Variants in MACROD2 observed in about 807,000 individuals in gnomAD.
MACROD2 encodes ADP-ribose glycohydrolase MACROD2.
MACROD2 carries 36 observed loss-of-function variants against 70.4 expected under a neutral mutation model. That is an observed-to-expected ratio of 0.51 (90% CI 0.39 to 0.68). MACROD2 has a LOEUF of 0.68. MACROD2 is among the 30% of genes least tolerant of loss of function. The pLI, the probability that MACROD2 is intolerant of heterozygous loss-of-function variation, is 0.00. For synonymous variants in MACROD2, 172 were observed against 178.8 expected, an observed-to-expected ratio of 0.96 and a Z score of 0.30; for missense variants, 496 against 538.4, an observed-to-expected ratio of 0.92 and a Z score of 0.78.
intron 3 of MACROD2, among the ~76,000 whole-genome samples, chr20:14,172,702 G>A (rs2081232591): frequency 6.6e-6 from 1 of 152,040 alleles, no homozygotes; most frequent in African/African-American, 2.4e-5. Context: ...GCGATTTTTT[G>A]CCTGAATACC....
intron 5 of MACROD2, among the ~76,000 whole-genome samples, chr20:14,990,254 A>G (rs756630337): frequency 2.0e-5 from 3 of 152,120 alleles, no homozygotes; most frequent in Non-Finnish European, 4.4e-5. Context: ...TACACAATAG[A>G]TAAAAAATGT....
chr20:15,264,263 G>A (rs1367167337), intron 6 of MACROD2, among the ~76,000 whole-genome samples: 4 of 152,276 alleles, frequency 2.6e-5, no homozygotes, highest in South Asian at 4.1e-4. Context: ...GATCCAGAAT[G>A]TGGACTGTTT....
chr20:14,200,363 G>A (rs2081469138), intron 3 of MACROD2, among the ~76,000 whole-genome samples: 2 of 152,082 alleles, frequency 1.3e-5, no homozygotes, highest in Admixed American at 1.3e-4. Context: ...ACACACACTG[G>A]GGCCTATCAG....
intron 8 of MACROD2, among the ~76,000 whole-genome samples, chr20:15,810,661 G>A (rs1272620540): frequency 3.3e-5 from 5 of 152,198 alleles, no homozygotes; most frequent in Non-Finnish European, 7.3e-5. Context: ...GAAGCTGGAG[G>A]CATCACGCTA....
chr20:15,046,483 A>G (rs1407196827), intron 5 of MACROD2, among the ~76,000 whole-genome samples: 2 of 152,314 alleles, frequency 1.3e-5, no homozygotes, highest in Non-Finnish European at 1.5e-5. Context: ...TCTGTGACAC[A>G]ATTACTCCCA....
chr20:15,527,441 TTAA>T (rs1400169960), intron 8 of MACROD2, among the ~76,000 whole-genome samples: 1 of 152,122 alleles, frequency 6.6e-6, no homozygotes, highest in Admixed American at 6.5e-5. Context: ...AGAAAATGAG[TTAA>T]TAACATGAGA....
At chr20:15,803,254 C>T (rs2147075358) in intron 8 of MACROD2, among the ~76,000 whole-genome samples, 2 of 152,134 alleles carry the variant, frequency 1.3e-5, no homozygotes. Flanking sequence ...TGCAAAACTC[C>T]TTAATAAAAC....
intron 10 of MACROD2, among the ~76,000 whole-genome samples, chr20:15,890,562 C>CCTT (rs2064875402): frequency 6.6e-6 from 1 of 152,144 alleles, no homozygotes; most frequent in Admixed American, 6.6e-5. Flanking sequence ...CCATCTTGCA[C>CCTT]CTGGTGACAG....
chr20:15,548,431 G>T (rs1454569158), intron 8 of MACROD2, among the ~76,000 whole-genome samples: 4 of 152,026 alleles, frequency 2.6e-5, no homozygotes, highest in African/African-American at 9.7e-5. Context: ...ATCTCACTCT[G>T]TCACCCCAGG....
chr20:15,377,111 C>T (rs187974237), intron 6 of MACROD2, among the ~76,000 whole-genome samples: 2 of 152,198 alleles, frequency 1.3e-5, no homozygotes, highest in Admixed American at 6.5e-5. Flanking sequence ...AGGATGGTCT[C>T]GATCTCCTGA....
At chr20:15,315,223 A>G (rs1257278145) in intron 6 of MACROD2, among the ~76,000 whole-genome samples, 1 of 152,232 alleles carries the variant, frequency 6.6e-6, no homozygotes, top group South Asian at 2.1e-4. Flanking sequence ...GCATATTATC[A>G]TGTGCATGAT....
chr20:15,958,261 G>A (rs187332910), intron 12 of MACROD2, among the ~76,000 whole-genome samples: 28 of 152,228 alleles, frequency 1.8e-4, no homozygotes, highest in Admixed American at 1.2e-3. Context: ...AAAGATTAAT[G>A]CCTCTCCTTT....
intron 3 of MACROD2, among the ~76,000 whole-genome samples, chr20:14,144,212 A>G (rs2054914837): frequency 6.6e-6 from 1 of 152,204 alleles, no homozygotes; most frequent in Non-Finnish European, 1.5e-5. Context: ...TGCTAAAGAA[A>G]AGCAAAAACT....
chr20:15,029,619 A>G (rs534591392), intron 5 of MACROD2, among the ~76,000 whole-genome samples: 16 of 152,184 alleles, frequency 1.1e-4, no homozygotes, highest in Non-Finnish European at 2.2e-4. Context: ...AAGTTAGTTT[A>G]TCAGAAGCAC....
chr20:14,912,951 TACAC>T, intron 5 of MACROD2, among the ~76,000 whole-genome samples: 2 of 152,154 alleles, frequency 1.3e-5, no homozygotes, highest in Non-Finnish European at 2.9e-5. Flanking sequence ...AGTTGGCTCA[TACAC>T]ATAAAGTATC....
intron 8 of MACROD2, among the ~76,000 whole-genome samples, chr20:15,518,942 C>T (rs2146525535): frequency 6.6e-6 from 1 of 152,246 alleles, no homozygotes. Context: ...TGGTGTTTTG[C>T]TAAGTGTTTA....
intron 8 of MACROD2, among the ~76,000 whole-genome samples, chr20:15,793,057 C>T (rs956784840): frequency 6.6e-6 from 1 of 151,976 alleles, no homozygotes; most frequent in Non-Finnish European, 1.5e-5. Flanking sequence ...AGATAAATGA[C>T]GTCATTTAAA....
chr20:14,461,158 G>T lies in MACROD2; in HGVS notation c.272-32321G>T, dbSNP rs979276970. On this transcript the variant is annotated intron_variant, in intron 3 of 17. Coordinates refer to ENST00000684519, the MANE Select transcript of MACROD2 (RefSeq NM_001351661.2). Reference sequence around the variant, plus strand: ...TTCTTCCTGGTTTAGTCTTGGGAGGGTGTATGTGTCCAGGAGTTTATCCAT... The same window carrying T: ...TTCTTCCTGGTTTAGTCTTGGGAGGTTGTATGTGTCCAGGAGTTTATCCAT... Among the ~76,000 whole-genome samples, 13 of 152,118 alleles carry T rather than the reference G, an allele frequency of 8.5e-5. 1 individual carries two copies. Among genetic ancestry groups the T allele is most frequent in the African/African-American group, 2.7e-4 (11 of 41,458 alleles).
At chr20:14,187,169 G>A (rs1204648368) in intron 3 of MACROD2, among the ~76,000 whole-genome samples, 3 of 148,626 alleles carry the variant, frequency 2.0e-5, no homozygotes, top group African/African-American at 7.4e-5. Context: ...AAATGTGGTA[G>A]ATGTGTTCAT....
Sources: allele counts gnomAD v4.1 joint callset (sites outside exome capture counted in the v4.1 genomes callset), GRCh38; gene constraint gnomAD v4.1.1; transcripts MANE v1.5; gene names NCBI Gene and HGNC (gene_info 2026-07-23, HGNC 2026-07-21).